Variants in NCAM2 observed in about 807,000 individuals in gnomAD.
NCAM2 encodes the protein N-CAM-2.
In NCAM2, 30 loss-of-function variants were observed where a neutral mutation model predicts 98.1. The ratio of observed to expected loss-of-function variants is 0.31; its 90% CI spans 0.23 to 0.41. The LOEUF (loss-of-function observed/expected upper bound fraction) is 0.41, where lower values mean the gene tolerates loss of function less well. Among genes scored for constraint, NCAM2 ranks in the 10% least tolerant of loss-of-function variants. The probability of loss-of-function intolerance (pLI) is 1.00; values close to 1 mark genes in which losing one functional copy is unlikely to be tolerated. For missense variants in NCAM2, 867 were observed against 1,005.8 expected, an observed-to-expected ratio of 0.86 and a Z score of 1.87; for synonymous variants, 368 against 342.4, an observed-to-expected ratio of 1.07 and a Z score of -0.83.
chr21:21,512,261 T>C (rs1305809092), intron 16 of NCAM2, among the ~76,000 whole-genome samples: 1 of 152,062 alleles, frequency 6.6e-6, no homozygotes, highest in Non-Finnish European at 1.5e-5. Context: ...TTTTGATTTG[T>C]TCTTTGTATA....
intron 9 of NCAM2, among the ~76,000 whole-genome samples, chr21:21,388,729 T>C (rs556976100): frequency 6.6e-5 from 10 of 152,188 alleles, no homozygotes; most frequent in Admixed American, 6.5e-4. Flanking sequence ...TTGGAACAAA[T>C]TGAGTATGTG....
chr21:21,116,293 A>G (rs1230155687), intron 1 of NCAM2, among the ~76,000 whole-genome samples: 1 of 152,122 alleles, frequency 6.6e-6, no homozygotes, highest in Non-Finnish European at 1.5e-5. Context: ...GAAGGGAAAA[A>G]TACTTGACTA....
At chr21:21,509,339 A>T (rs895081409) in intron 16 of NCAM2, among the ~76,000 whole-genome samples, 8 of 152,142 alleles carry the variant, frequency 5.3e-5, no homozygotes, top group African/African-American at 1.9e-4. Flanking sequence ...ATATAGATGG[A>T]TGGATAGTTG....
chr21:21,237,878 A>G (rs1047402099), intron 1 of NCAM2, among the ~76,000 whole-genome samples: 1 of 145,528 alleles, frequency 6.9e-6, no homozygotes, highest in African/African-American at 2.5e-5. Context: ...TGCATATACT[A>G]AAAAAAAAAT....
intron 1 of NCAM2, among the ~76,000 whole-genome samples, chr21:21,142,114 G>C (rs986939839): frequency 6.6e-6 from 1 of 152,150 alleles, no homozygotes; most frequent in African/African-American, 2.4e-5. Context: ...AATAATTAAA[G>C]TAACATTTGC....
At chr21:21,040,797 A>G (rs1281761657) in intron 1 of NCAM2, among the ~76,000 whole-genome samples, 1 of 152,148 alleles carries the variant, frequency 6.6e-6, no homozygotes, top group East Asian at 1.9e-4. Context: ...GATAGGGAAA[A>G]GTTGGCTAAT....
intron 1 of NCAM2, among the ~76,000 whole-genome samples, chr21:21,270,370 G>A (rs1242090444): frequency 3.3e-5 from 5 of 152,100 alleles, no homozygotes; most frequent in African/African-American, 9.7e-5. Context: ...CTCAGACAAC[G>A]TTCCCCAGCC....
chr21:21,162,590 C>G (rs528647914), intron 1 of NCAM2, among the ~76,000 whole-genome samples: 2 of 152,060 alleles, frequency 1.3e-5, no homozygotes, highest in Admixed American at 6.6e-5. Flanking sequence ...AAGGTCCTCT[C>G]AAGTTCGTAC....
chr21:21,119,687 C>CT (rs1250709553), intron 1 of NCAM2, among the ~76,000 whole-genome samples: 2 of 151,958 alleles, frequency 1.3e-5, no homozygotes, highest in Non-Finnish European at 1.5e-5. Flanking sequence ...TTTATGAAGT[C>CT]TTTTTTTCCT....
intron 1 of NCAM2, among the ~76,000 whole-genome samples, chr21:21,008,561 T>G (rs1456022341): frequency 1.3e-5 from 2 of 152,104 alleles, no homozygotes; most frequent in African/African-American, 4.8e-5. Context: ...TAAAAAATGG[T>G]AGGGCCAGAC....
At chr21:21,032,936 C>G (rs13052425) in intron 1 of NCAM2, among the ~76,000 whole-genome samples, 1 of 69,924 alleles carries the variant, frequency 1.4e-5, no homozygotes, top group Non-Finnish European at 2.9e-5. Context: ...TGGTTTCTTT[C>G]TTTCTTTCTT....
intron 10 of NCAM2, among the ~76,000 whole-genome samples, chr21:21,414,451 G>C (rs1168454396): frequency 6.8e-6 from 1 of 147,574 alleles, no homozygotes; most frequent in African/African-American, 2.5e-5. Flanking sequence ...CTTAAATATT[G>C]TATTTCTGTT....
intron 1 of NCAM2, among the ~76,000 whole-genome samples, chr21:21,236,824 T>A (rs1312223019): frequency 6.6e-6 from 1 of 151,792 alleles, no homozygotes; most frequent in Admixed American, 6.6e-5. Flanking sequence ...AAATTTGGAG[T>A]CTTCATGCTT....
At chr21:21,215,762 G>A (rs1042347924) in intron 1 of NCAM2, among the ~76,000 whole-genome samples, 2 of 152,010 alleles carry the variant, frequency 1.3e-5, no homozygotes, top group African/African-American at 4.8e-5. Context: ...GTAAACGTGT[G>A]TGTGTGTGTA....
Position 21,418,532 on chromosome 21 carries a change from A to G in NCAM2, c.1443A>G (p.Ile481Met). The change falls in exon 11 of 18, where the codon ATA becomes ATG. Residue 481 changes from isoleucine to methionine, a missense_variant. Ile to Met is a conservative substitution (Grantham distance 10). Transcript: ENST00000400546. ...ATAATTGCACAGCCACTAATCATAT[A>G]GGAACAAGATTTCAAGAATATATTC... ...GRYNCTATNH[I>M]GTRFQEYILA... 1 of 1,612,370 alleles carries G rather than the reference A, an allele frequency of 6.2e-7. No homozygotes were observed. The highest frequency in any genetic ancestry group is 1.3e-5 in the African/African-American group (1 of 75,012).
At position 21,535,589 on chromosome 21, in the gene NCAM2, G is replaced by A. The variant is rs751085416; in HGVS notation, c.2402+933G>A. Among the ~76,000 whole-genome samples the A allele has an allele frequency of 7.9e-5, 12 of 151,946 alleles. 1 individual carries two copies. The highest frequency in any genetic ancestry group is 3.3e-4 in the Admixed American group (5 of 15,250). ...TAATTAATATTTACACAAATGCAAAGTACTACTCTATAGAAAAAAATTTAA... is the reference window on the plus strand; with the variant it reads ...TAATTAATATTTACACAAATGCAAAATACTACTCTATAGAAAAAAATTTAA... On this transcript the variant is annotated intron_variant, in intron 17 of 17. Transcript: ENST00000400546.
intron 1 of NCAM2, among the ~76,000 whole-genome samples, chr21:21,178,730 CAGA>C (rs1039926306): frequency 1.9e-4 from 29 of 151,582 alleles, no homozygotes; most frequent in Non-Finnish European, 3.5e-4. Context: ...TATTATTTTA[CAGA>C]AGTAGAAATC....
At chr21:21,185,715 A>G (rs1331556680) in intron 1 of NCAM2, among the ~76,000 whole-genome samples, 2 of 152,136 alleles carry the variant, frequency 1.3e-5, no homozygotes, top group Admixed American at 6.6e-5. Flanking sequence ...CAAATTGGAA[A>G]CTATGTGACT....
At chr21:21,495,013 A>G (rs1413054209) in intron 15 of NCAM2, among the ~76,000 whole-genome samples, 2 of 151,820 alleles carry the variant, frequency 1.3e-5, no homozygotes, top group Non-Finnish European at 2.9e-5. Context: ...ACATTTCTAT[A>G]CAAGCATAAT....
Sources: gnomAD v4.1 joint callset for allele counts (sites outside exome capture counted in the v4.1 genomes callset) on GRCh38, gnomAD v4.1.1 for gene constraint, MANE v1.5 for transcripts, NCBI Gene and HGNC (gene_info 2026-07-23, HGNC 2026-07-21) for gene names.